MED27: variants seen among roughly 807,000 people sequenced by gnomAD.
MED27 encodes the protein mediator complex subunit 27.
Under a neutral mutation model 38.2 loss-of-function variants are expected in MED27, and 30 were observed. The ratio of observed to expected loss-of-function variants is 0.79; its 90% CI spans 0.59 to 1.07. MED27 has a LOEUF of 1.07. MED27 is among the 50% of genes least tolerant of loss of function. The pLI is 0.00. For missense variants in MED27, 289 were observed against 397.5 expected, an observed-to-expected ratio of 0.73 and a Z score of 2.32; for synonymous variants, 122 against 153.5, an observed-to-expected ratio of 0.79 and a Z score of 1.52.
chr9:132,055,512 A>C (rs1833557265), intron 2 of MED27, among the ~76,000 whole-genome samples: 1 of 152,228 alleles, frequency 6.6e-6, no homozygotes, highest in Non-Finnish European at 1.5e-5. Flanking sequence ...AATATTTACA[A>C]GATCAAACAG....
At chr9:132,016,216 G>A (rs1183239502) in intron 2 of MED27, among the ~76,000 whole-genome samples, 2 of 152,170 alleles carry the variant, frequency 1.3e-5, no homozygotes, top group Non-Finnish European at 2.9e-5. Context: ...AAAACCAATT[G>A]AAATGATCTG....
At chr9:132,060,413 T>C (rs994140707) in intron 2 of MED27, among the ~76,000 whole-genome samples, 2 of 152,192 alleles carry the variant, frequency 1.3e-5, no homozygotes, top group African/African-American at 4.8e-5. Context: ...GCAAATTTGA[T>C]GTAGGCCAAC....
At chr9:131,903,075 T>C (rs1829982620) in intron 4 of MED27, among the ~76,000 whole-genome samples, 2 of 139,388 alleles carry the variant, frequency 1.4e-5, no homozygotes, top group African/African-American at 3.2e-5. Flanking sequence ...GGGTCAGTGG[T>C]GGCCACGGGT....
At chr9:132,019,261 G>C (rs1286815615) in intron 2 of MED27, among the ~76,000 whole-genome samples, 1 of 152,210 alleles carries the variant, frequency 6.6e-6, no homozygotes, top group Non-Finnish European at 1.5e-5. Context: ...ATTGAATACA[G>C]GTGATGCTAA....
At chr9:131,900,057 C>A (rs538862642) in intron 4 of MED27, among the ~76,000 whole-genome samples, 22 of 152,238 alleles carry the variant, frequency 1.4e-4, no homozygotes, top group Non-Finnish European at 3.1e-4. Flanking sequence ...CTTTTCTATA[C>A]CAAGCAGCAC....
intron 3 of MED27, among the ~76,000 whole-genome samples, chr9:132,005,909 G>A (rs375372639): frequency 1.3e-5 from 2 of 152,118 alleles, no homozygotes; most frequent in African/African-American, 2.4e-5. Flanking sequence ...ATATGGTCCC[G>A]CAATGGAGAG....
chr9:132,048,305 A>G (rs1833385364), intron 2 of MED27, among the ~76,000 whole-genome samples: 1 of 152,242 alleles, frequency 6.6e-6, no homozygotes, highest in South Asian at 2.1e-4. Flanking sequence ...GAATGCAGGA[A>G]TCTCAATTAC....
intron 3 of MED27, among the ~76,000 whole-genome samples, chr9:131,979,409 T>C (rs1465110485): frequency 6.7e-6 from 1 of 150,080 alleles, no homozygotes; most frequent in Admixed American, 6.7e-5. Context: ...GAGCATATGA[T>C]AGATCTGAGC....
At chr9:131,942,914 CT>C (rs1305280459) in intron 3 of MED27, among the ~76,000 whole-genome samples, 4 of 151,990 alleles carry the variant, frequency 2.6e-5, no homozygotes, top group Non-Finnish European at 5.9e-5. Context: ...AGATTTTTAC[CT>C]GTAAGAAAAG....
In MED27 at chr9:131,862,615, G is replaced by T. The variant is rs548656119; in HGVS notation, c.801+448C>A. ...TACTGAACAGGCACTGGCAGGAGCC[G>T]GCTGCAGCACCCCATTGGAATGGCT... On this transcript the variant is annotated intron_variant, in intron 7 of 7. Coordinates refer to ENST00000292035, the MANE Select transcript of MED27 (RefSeq NM_004269.4). This position sits in a 1 kb window ranked among gnomAD's most constrained non-coding sequence, Gnocchi z 4.6. Among the ~76,000 whole-genome samples, 81 of 152,234 alleles carry T rather than the reference G, an allele frequency of 5.3e-4. No homozygotes were observed. The highest frequency in any genetic ancestry group is 1.9e-3 in the African/African-American group (78 of 41,532).
At chr9:131,999,897 C>T (rs1163257688) in intron 3 of MED27, among the ~76,000 whole-genome samples, 2 of 152,034 alleles carry the variant, frequency 1.3e-5, no homozygotes, top group Admixed American at 6.5e-5. Flanking sequence ...TTCCAGCCCA[C>T]AACTACTGTT....
intron 2 of MED27, among the ~76,000 whole-genome samples, chr9:132,045,686 T>A (rs1432755267): frequency 2.6e-5 from 4 of 152,210 alleles, no homozygotes; most frequent in Non-Finnish European, 4.4e-5. Flanking sequence ...ATGTCAGTAT[T>A]TATTCTCCAC....
At chr9:131,894,449 G>A (rs1270106232) in intron 4 of MED27, among the ~76,000 whole-genome samples, 2 of 152,152 alleles carry the variant, frequency 1.3e-5, no homozygotes, top group Non-Finnish European at 2.9e-5. Flanking sequence ...AGTACCAAAT[G>A]CCTCTTGGTT....
At chr9:131,965,462 T>G (rs1831317837) in intron 3 of MED27, among the ~76,000 whole-genome samples, 1 of 152,282 alleles carries the variant, frequency 6.6e-6, no homozygotes, top group Non-Finnish European at 1.5e-5. Flanking sequence ...GGAACCTTCC[T>G]GTAACAGGTT....
At chr9:131,887,878 CTG>C (rs1839166875) in intron 5 of MED27, among the ~76,000 whole-genome samples, 3 of 152,178 alleles carry the variant, frequency 2.0e-5, no homozygotes, top group Admixed American at 2.0e-4. Context: ...CTCCTGGCCT[CTG>C]GGGATTGCAG....
chr9:131,936,124 C>T (rs1191694168), intron 4 of MED27, among the ~76,000 whole-genome samples: 1 of 145,900 alleles, frequency 6.9e-6, no homozygotes, highest in African/African-American at 2.6e-5. Context: ...CAAAGTGAGA[C>T]CCTGTCTCAA....
chr9:131,945,691 G>A (rs933980372), intron 3 of MED27, among the ~76,000 whole-genome samples: 1 of 151,836 alleles, frequency 6.6e-6, no homozygotes, highest in Non-Finnish European at 1.5e-5. Context: ...GCCAGGTGCG[G>A]TGGCTTATGC....
intron 3 of MED27, among the ~76,000 whole-genome samples, chr9:131,961,212 C>T (rs544404843): frequency 1.3e-5 from 2 of 152,314 alleles, no homozygotes; most frequent in African/African-American, 4.8e-5. Flanking sequence ...CACTGAAACC[C>T]ATCACATGCC....
chr9:131,921,339 G>C (rs1830388331), intron 4 of MED27, among the ~76,000 whole-genome samples: 1 of 152,100 alleles, frequency 6.6e-6, no homozygotes, highest in Non-Finnish European at 1.5e-5. Context: ...CTTGATTCTT[G>C]TCTGAAACAA....
Sources: gnomAD v4.1 joint callset for allele counts (sites outside exome capture counted in the v4.1 genomes callset) on GRCh38, gnomAD v4.1.1 for gene constraint, Gnocchi (gnomAD v3.1) non-coding constraint, MANE v1.5 for transcripts, NCBI Gene and HGNC (gene_info 2026-07-23, HGNC 2026-07-21) for gene names.